Variants in MORN1 observed in about 807,000 individuals in gnomAD.
The protein encoded by MORN1 is MORN repeat-containing protein 1.
In MORN1, 67 loss-of-function variants were observed where a neutral mutation model predicts 61.9. The observed-to-expected ratio is 1.08, with a 90% CI of 0.89 to 1.33. The LOEUF is 1.33. Among genes scored for constraint, MORN1 ranks in the 40% most tolerant of loss-of-function variants. The pLI is 0.00. For missense variants in MORN1, 752 were observed against 691.2 expected (o/e 1.09, Z -0.99); for synonymous variants, 301 against 292.0 (o/e 1.03, Z -0.31).
rs1178354789 is a variant in MORN1, at chr1:2,387,531, T to C, written c.248-2A>G. ...CAAACTGTCCAGAGAAGGTGTCTCC[T>C]GCATGTGGACAAGGAGGAGGGGAGA... is the stretch of plus-strand genomic sequence containing the variant. On this transcript the variant is annotated splice_acceptor_variant, in intron 3 of 13. Coordinates refer to ENST00000378531, the MANE Select transcript of MORN1 (RefSeq NM_024848.3). LOFTEE classifies it high-confidence loss of function. 2.5e-6 allele frequency: 4 copies of C among 1,606,208 alleles called. No homozygotes were observed. In the Admixed American group the frequency reaches 5.0e-5, roughly 20 times the overall value.
At chr1:2,323,700 CA>C in intron 13 of MORN1, 1 of 985,320 alleles carries the variant, frequency 1.0e-6, no homozygotes, top group South Asian at 4.7e-5. Flanking sequence ...CCAGGCCCAC[CA>C]AGCCCTGCAG....
At chr1:2,329,785 C>G (rs1019155073) in intron 12 of MORN1, among the ~76,000 whole-genome samples, 3 of 152,218 alleles carry the variant, frequency 2.0e-5, no homozygotes. Context: ...ATAGTGTTCC[C>G]CAAGGCCCCA....
intron 3 of MORN1, 67 bp from the exon 4 acceptor site, chr1:2,387,596 CCT>C: frequency 8.8e-7 from 1 of 1,141,868 alleles, no homozygotes; most frequent in Non-Finnish European, 1.3e-6. Flanking sequence ...AGTCGGCTCT[CCT>C]CTGTCCCTGG....
At chr1:2,354,057 A>G (rs1367908721) in intron 10 of MORN1, among the ~76,000 whole-genome samples, 4 of 150,954 alleles carry the variant, frequency 2.6e-5, no homozygotes, top group African/African-American at 9.7e-5. Flanking sequence ...GGCCAAGGCG[A>G]GCAGATCACG....
In MORN1 at chr1:2,355,420, T is replaced by C. The variant is rs1427121558; in HGVS notation, c.1036+2012A>G. The C allele has an allele frequency of 1.9e-6, 3 of 1,550,304 alleles. No individual in the cohort carries two copies. The African/African-American group carries it at 4.1e-5, about 21-fold the overall frequency. ...CTGCGCTTGCTGGTCCTCTCACAGC[T>C]GTTGTCTGGAAGGAGACTCGTCTGA... On this transcript the variant is annotated intron_variant, in intron 10 of 13. Transcript: ENST00000378531.
intron 9 of MORN1, 61 bp downstream of exon 9, chr1:2,358,531 T>A (rs1307897397): frequency 6.2e-7 from 1 of 1,607,270 alleles, no homozygotes; most frequent in Non-Finnish European, 8.5e-7. Flanking sequence ...AAGGAATTAA[T>A]GTGACCTAAA....
chr1:2,327,509 G>A (rs1641061575), intron 12 of MORN1, among the ~76,000 whole-genome samples: 2 of 150,294 alleles, frequency 1.3e-5, no homozygotes, highest in Non-Finnish European at 3.0e-5. Flanking sequence ...AACAAACACA[G>A]AGACACAGAC....
chr1:2,324,136 C>T lies in MORN1; in HGVS notation c.1258G>A (p.Gly420Arg), dbSNP rs376591669. 4 of 1,599,742 alleles carry T rather than the reference C, an allele frequency of 2.5e-6. No homozygotes were observed. The highest frequency in any genetic ancestry group is 1.1e-5 in the South Asian group (1 of 88,758). ...GCAGCCTGCTCCTCCGTGGCTCTCC[C>T]CTCAGGCCTGTGGAGACGACACAGT... ...QEPPGGSRPE[G>R]RATEEQAAAA... is the part of the protein sequence containing the mutation. Residue 420 changes from glycine to arginine, a missense_variant, in exon 13 of 14, where the codon GGG becomes AGG. Physicochemically the swap from Gly to Arg is moderately radical, Grantham distance 125 (BLOSUM62 -2). Transcript: ENST00000378531.
At position 2,385,792 on chromosome 1, in the gene MORN1, A is replaced by C. The variant is rs1216539717; in HGVS notation, c.449+15T>G. 1 of 1,611,538 alleles carries C rather than the reference A, an allele frequency of 6.2e-7. No individual in the cohort carries two copies. Among genetic ancestry groups the C allele is most frequent in the East Asian group, 2.2e-5 (1 of 44,864 alleles). On this transcript the variant is annotated intron_variant, in intron 5 of 13. Transcript: ENST00000378531. ...CTGTCATGCGCCAGGCAGTACCCAC[A>C]AGACTCATACTCACTGAAAGAGCAT...
intron 13 of MORN1, chr1:2,323,337 G>A (rs781364746): frequency 4.3e-5 from 42 of 985,334 alleles, no homozygotes; most frequent in Non-Finnish European, 5.1e-5. Context: ...CCAGACCCCA[G>A]TGAGCAGCGG....
intron 10 of MORN1, among the ~76,000 whole-genome samples, chr1:2,342,872 T>TTTTATTTTATTTTATTTTA (rs1557873780): frequency 0.011 from 949 of 85,288 alleles, 8 homozygotes; most frequent in South Asian, 0.011. Flanking sequence ...ATTTTATTTA[T>TTTTATTTTATTTTATTTTA]TTTATTTTAT....
In MORN1 at chr1:2,344,993, C is replaced by T. The variant is rs933618116; in HGVS notation, c.1037-8143G>A. 7.9e-5 allele frequency among the ~76,000 whole-genome samples: 12 copies of T among 152,204 alleles called. No individual in the cohort carries two copies. The East Asian group carries it at 1.7e-3, about 22-fold the overall frequency. ...ATGGCCACACACACCCTGAAAACGG[C>T]GTCAGCCTCCGGGAGGGTCCACGCG... On this transcript the variant is annotated intron_variant, in intron 10 of 13. Coordinates refer to ENST00000378531, the MANE Select transcript of MORN1 (RefSeq NM_024848.3).
intron 6 of MORN1, chr1:2,379,225 G>C (rs1462636541): frequency 4.3e-6 from 2 of 461,982 alleles, no homozygotes; most frequent in African/African-American, 2.0e-5. Flanking sequence ...GGGTGGATCA[G>C]AGCTGATGTA....
At chr1:2,352,460 C>T (rs1641670888) in intron 10 of MORN1, 1 of 152,548 alleles carries the variant, frequency 6.6e-6, no homozygotes, top group South Asian at 2.1e-4. Flanking sequence ...TAAAAGTAGC[C>T]ACATCTCATC....
intron 10 of MORN1, among the ~76,000 whole-genome samples, chr1:2,354,602 T>C (rs1641719217): frequency 6.6e-6 from 1 of 152,072 alleles, no homozygotes. Context: ...GGCCTCCCCC[T>C]CCTCTTCTCA....
intron 10 of MORN1, among the ~76,000 whole-genome samples, chr1:2,347,346 T>G (rs1377851920): frequency 6.6e-6 from 1 of 152,176 alleles, no homozygotes; most frequent in Non-Finnish European, 1.5e-5. Flanking sequence ...AGGTGGCAGA[T>G]GGCCCGTGTG....
At chr1:2,348,128 G>C (rs1641554850) in intron 10 of MORN1, among the ~76,000 whole-genome samples, 1 of 152,232 alleles carries the variant, frequency 6.6e-6, no homozygotes, top group African/African-American at 2.4e-5. Flanking sequence ...GTCTCCGTCG[G>C]TCTGGAACAT....
chr1:2,330,326 G>C (rs945633683), intron 12 of MORN1, among the ~76,000 whole-genome samples: 2 of 152,244 alleles, frequency 1.3e-5, no homozygotes, highest in African/African-American at 2.4e-5. Context: ...CCAGGCACCA[G>C]TGGTGGCTGC....
At chr1:2,324,644 T>C (rs1441223766) in intron 12 of MORN1, among the ~76,000 whole-genome samples, 12 of 151,716 alleles carry the variant, frequency 7.9e-5, no homozygotes, top group Non-Finnish European at 1.8e-4. Context: ...CACCTGGGAG[T>C]GCCATGACTG....
Sources: allele counts gnomAD v4.1 joint callset (sites outside exome capture counted in the v4.1 genomes callset), GRCh38; gene constraint gnomAD v4.1.1; transcripts MANE v1.5; gene names NCBI Gene and HGNC (gene_info 2026-07-23, HGNC 2026-07-21).